The following MPP7 variants were observed in gnomAD, a reference collection of about 807,000 sequenced individuals.
MPP7 encodes the protein MAGUK p55 scaffold protein 7.
MPP7 carries 60 observed loss-of-function variants against 76.5 expected under a neutral mutation model. The ratio of observed to expected loss-of-function variants is 0.78; its 90% CI spans 0.64 to 0.97. The LOEUF is 0.97. Ranked by LOEUF, MPP7 falls within the 50% of genes least tolerant of loss-of-function variation. The probability of loss-of-function intolerance (pLI) is 0.00; values close to 1 mark genes in which losing one functional copy is unlikely to be tolerated. For missense variants in MPP7, 641 were observed against 694.0 expected (o/e 0.92, Z 0.86); for synonymous variants, 237 against 244.5 (o/e 0.97, Z 0.29).
At chr10:28,299,736 C>A (rs958433138) in intron 1 of MPP7, among the ~76,000 whole-genome samples, 3 of 151,208 alleles carry the variant, frequency 2.0e-5, no homozygotes. Flanking sequence ...CCTTTCCTTC[C>A]GAATGTATCT....
At chr10:28,087,499 A>G (rs1853074871) in intron 12 of MPP7, among the ~76,000 whole-genome samples, 1 of 151,912 alleles carries the variant, frequency 6.6e-6, no homozygotes, top group Admixed American at 6.6e-5. Flanking sequence ...AGGTTCAAGC[A>G]ATTCTTGTGC....
At chr10:28,298,992 T>C (rs1041973793) in intron 1 of MPP7, among the ~76,000 whole-genome samples, 11 of 152,214 alleles carry the variant, frequency 7.2e-5, no homozygotes, top group African/African-American at 2.7e-4. Context: ...GGTTTTGCTC[T>C]GCTGGCTTAA....
chr10:28,138,211 G>A (rs561585448), intron 5 of MPP7, among the ~76,000 whole-genome samples: 24 of 152,208 alleles, frequency 1.6e-4, no homozygotes, highest in African/African-American at 4.3e-4. Context: ...GTGAGCCCCC[G>A]GAATGATGAC....
intron 3 of MPP7, among the ~76,000 whole-genome samples, chr10:28,189,437 C>T (rs527889630): frequency 2.5e-4 from 38 of 151,916 alleles, no homozygotes; most frequent in African/African-American, 3.4e-4. Context: ...GGCATGGTGG[C>T]GCACGCCTGT....
intron 11 of MPP7, chr10:28,119,081 AT>A (rs1214263098): frequency 1.0e-6 from 1 of 984,932 alleles, no homozygotes; most frequent in East Asian, 1.1e-4. Context: ...AAAAAAAAGT[AT>A]TTAAATGCAC....
At chr10:28,325,495 C>CT (rs529801611) in intron 2 of MPP7, among the ~76,000 whole-genome samples, 3 of 151,260 alleles carry the variant, frequency 2.0e-5, no homozygotes, top group Admixed American at 6.6e-5. Context: ...ATTTCTTTTT[C>CT]TTTTTTTTCT....
intron 11 of MPP7, among the ~76,000 whole-genome samples, chr10:28,095,502 T>A (rs534738241): frequency 1.3e-5 from 2 of 152,108 alleles, no homozygotes; most frequent in African/African-American, 4.8e-5. Flanking sequence ...TTTTCCAATT[T>A]CAGTAAAATA....
chr10:28,145,444 A>T (rs926201747), intron 5 of MPP7, among the ~76,000 whole-genome samples: 1 of 152,208 alleles, frequency 6.6e-6, no homozygotes, highest in Non-Finnish European at 1.5e-5. Flanking sequence ...AAAGGAAAAC[A>T]ATCACAAAAA....
intron 3 of MPP7, among the ~76,000 whole-genome samples, chr10:28,157,038 T>C (rs2985531): frequency 0.74 from 112,384 of 151,730 alleles, 41,741 homozygotes; most frequent in Middle Eastern, 0.84. Context: ...GGTGAAACCC[T>C]GTCTCTACCA....
intron 11 of MPP7, among the ~76,000 whole-genome samples, chr10:28,116,351 A>C (rs184288799): frequency 6.6e-6 from 1 of 152,306 alleles, no homozygotes; most frequent in Non-Finnish European, 1.5e-5. Context: ...GCAGAAAATT[A>C]GAATACTTTA....
At chr10:28,112,441 A>C (rs1834534082) in intron 11 of MPP7, among the ~76,000 whole-genome samples, 1 of 152,212 alleles carries the variant, frequency 6.6e-6, no homozygotes, top group Non-Finnish European at 1.5e-5. Context: ...GCCAATCCAC[A>C]AAAAAATCTG....
chr10:28,252,581 C>T (rs1406860271), intron 1 of MPP7, among the ~76,000 whole-genome samples: 1 of 152,282 alleles, frequency 6.6e-6, no homozygotes, highest in Non-Finnish European at 1.5e-5. Flanking sequence ...CTAGGTCCCC[C>T]GTTTTCTAGA....
chr10:28,118,997 T>G, intron 11 of MPP7: 1 of 985,304 alleles, frequency 1.0e-6, no homozygotes, highest in Non-Finnish European at 1.2e-6. Context: ...GAACAGGGAA[T>G]TTATGGGATG....
intron 2 of MPP7, among the ~76,000 whole-genome samples, chr10:28,233,969 A>C (rs1213782765): frequency 6.6e-6 from 1 of 151,936 alleles, no homozygotes; most frequent in African/African-American, 2.4e-5. Flanking sequence ...GAGAGGAAGG[A>C]GGAGAGAAAA....
intron 2 of MPP7, among the ~76,000 whole-genome samples, chr10:28,313,448 G>A (rs1841300739): frequency 1.3e-5 from 2 of 152,192 alleles, no homozygotes; most frequent in South Asian, 4.1e-4. Flanking sequence ...AGATGTTGCA[G>A]TGAGCCTAGA....
chr10:28,303,206 C>T (rs1470450359), upstream of MPP7: 2 of 151,950 alleles, frequency 1.3e-5, no homozygotes, highest in East Asian at 1.9e-4. Flanking sequence ...AGCAGAACTC[C>T]CTCATTGGTC....
chr10:28,275,351 ATCTCTC>A (rs1455031085), intron 1 of MPP7, among the ~76,000 whole-genome samples: 1 of 151,532 alleles, frequency 6.6e-6, no homozygotes, highest in Non-Finnish European at 1.5e-5. Flanking sequence ...GTTGAGTCCT[ATCTCTC>A]CCTTACCTCT....
At chr10:28,096,137 C>G (rs1853559571) in intron 11 of MPP7, among the ~76,000 whole-genome samples, 1 of 152,148 alleles carries the variant, frequency 6.6e-6, no homozygotes, top group African/African-American at 2.4e-5. Context: ...TCGTTATTTG[C>G]TTCTTAGTTC....
chr10:28,208,986 T>C (rs1415694269), intron 2 of MPP7, among the ~76,000 whole-genome samples: 1 of 152,026 alleles, frequency 6.6e-6, no homozygotes, highest in East Asian at 1.9e-4. Flanking sequence ...GACCTGTTTG[T>C]TTAAGTGTGG....
Sources: gnomAD v4.1 joint callset for allele counts (sites outside exome capture counted in the v4.1 genomes callset) on GRCh38, gnomAD v4.1.1 for gene constraint, MANE v1.5 for transcripts, NCBI Gene and HGNC (gene_info 2026-07-23, HGNC 2026-07-21) for gene names.